Variants in FRYL observed in about 807,000 individuals in gnomAD.
The protein encoded by FRYL is protein furry homolog-like.
FRYL carries 150 observed loss-of-function variants against 351.2 expected under a neutral mutation model. The observed-to-expected ratio is 0.43, with a 90% confidence interval of 0.37 to 0.49. The LOEUF (loss-of-function observed/expected upper bound fraction) is 0.49, where lower values mean the gene tolerates loss of function less well. FRYL is among the 20% of genes least tolerant of loss of function. The probability of loss-of-function intolerance (pLI) is 0.00; values close to 1 mark genes in which losing one functional copy is unlikely to be tolerated. For synonymous variants in FRYL, 1,153 were observed against 1,257.1 expected (o/e 0.92, Z 1.75); for missense variants, 3,036 against 3,619.3 (o/e 0.84, Z 4.13).
intron 3 of FRYL, among the ~76,000 whole-genome samples, chr4:48,640,942 A>T (rs1159895002): frequency 6.6e-6 from 1 of 152,210 alleles, no homozygotes; most frequent in Admixed American, 6.6e-5. Context: ...GATCACACTC[A>T]AAGACAGGAA....
intron 47 of FRYL, among the ~76,000 whole-genome samples, chr4:48,536,736 T>C (rs192705050): frequency 9.2e-5 from 14 of 152,330 alleles, no homozygotes; most frequent in Admixed American, 2.0e-4. Flanking sequence ...TTCTATCTTA[T>C]GGATGTTTTG....
At chr4:48,703,143 G>GT (rs1393772218) in intron 2 of FRYL, among the ~76,000 whole-genome samples, 3 of 152,116 alleles carry the variant, frequency 2.0e-5, no homozygotes, top group Non-Finnish European at 2.9e-5. Flanking sequence ...TAGAACCACC[G>GT]TAAGTTTTTG....
chr4:48,527,648 TACA>T lies in FRYL; in HGVS notation c.7143_7145del (p.Val2382del). The T allele has an allele frequency of 6.4e-7, 1 of 1,571,394 alleles. No individual in the cohort carries two copies. The highest frequency in any genetic ancestry group is 1.8e-4 in the Middle Eastern group (1 of 5,494). On this transcript the variant is annotated inframe_deletion and splice_region_variant, in exon 53 of 64. Transcript: ENST00000358350. ...CTTCCAAATCCTCATTAGAAGAAAA[TACA>T]ACCTGATGCCCGATTAAAAAAAAAA...
chr4:48,646,410 T>A (rs772890770), intron 3 of FRYL, among the ~76,000 whole-genome samples: 124 of 152,186 alleles, frequency 8.1e-4, no homozygotes, highest in Non-Finnish European at 1.4e-3. Context: ...AGCAAAATTT[T>A]AAAAATTGGA....
At chr4:48,499,730 G>T in intron 63 of FRYL, 50 bp from the exon 64 acceptor site, 1 of 1,547,476 alleles carries the variant, frequency 6.5e-7, no homozygotes, top group Non-Finnish European at 8.8e-7. Flanking sequence ...CAATAGTTAA[G>T]ACTAACTCAA....
At chr4:48,651,291 G>C (rs376143553) in intron 3 of FRYL, among the ~76,000 whole-genome samples, 119 of 9,892 alleles carry the variant, frequency 0.012, 1 homozygote, top group African/African-American at 0.022. Flanking sequence ...GGATCTCACT[G>C]TGTGTGTGTG....
intron 2 of FRYL, among the ~76,000 whole-genome samples, chr4:48,686,743 G>T (rs1240703778): frequency 6.6e-6 from 1 of 152,194 alleles, no homozygotes; most frequent in East Asian, 1.9e-4. Context: ...GCAGTCTTGC[G>T]CTCAGACATA....
At chr4:48,625,122 T>C (rs986694339) in intron 4 of FRYL, among the ~76,000 whole-genome samples, 38 of 152,300 alleles carry the variant, frequency 2.5e-4, no homozygotes, top group African/African-American at 8.9e-4. Flanking sequence ...TGAAATCATA[T>C]GAGCCAATTC....
chr4:48,581,483 C>A lies in FRYL; in HGVS notation c.2109G>T (p.Arg703Ser). ...VILCSSRPAT[R>S]RLAVSVLREI... ...CTCTAAGGACACTGACGGCTAGTCT[C>A]CTAGTGGCAGGTCGACTGCTACAGA... is the stretch of plus-strand genomic sequence containing the variant. The change falls in exon 21 of 64, where the codon AGG becomes AGT. Residue 703 changes from arginine (R) to serine (S), a missense_variant. Around this residue, in one of 7 missense-constraint regions of FRYL, gnomAD observed 492 missense variants for 551.5 expected, o/e 0.89. Transcript: ENST00000358350. 1 of 1,613,984 alleles carries A rather than the reference C, an allele frequency of 6.2e-7. No homozygotes were observed. The highest frequency in any genetic ancestry group is 8.5e-7 in the Non-Finnish European group (1 of 1,179,970).
At chr4:48,502,797 A>G in intron 61 of FRYL, 31 bp downstream of exon 61, 1 of 1,583,294 alleles carries the variant, frequency 6.3e-7, no homozygotes, top group Non-Finnish European at 8.7e-7. Flanking sequence ...GGCAAGGGTG[A>G]GTAGTCTATA....
At chr4:48,733,074 G>A (rs574949249) in intron 1 of FRYL, among the ~76,000 whole-genome samples, 46 of 151,838 alleles carry the variant, frequency 3.0e-4, no homozygotes, top group African/African-American at 1.0e-3. Flanking sequence ...TCAGGAGTTC[G>A]AGACCACCTG....
At chr4:48,744,030 T>C (rs576022384) in intron 1 of FRYL, among the ~76,000 whole-genome samples, 7 of 152,348 alleles carry the variant, frequency 4.6e-5, no homozygotes, top group African/African-American at 1.4e-4. Context: ...TGCAGAACCC[T>C]AACACAACCT....
At chr4:48,556,586 T>C (rs954381315) in intron 35 of FRYL, among the ~76,000 whole-genome samples, 3 of 152,206 alleles carry the variant, frequency 2.0e-5, no homozygotes. Context: ...AATATCACTT[T>C]CTCTCAAGTG....
chr4:48,502,706 AC>A, intron 61 of FRYL, 121 bp downstream of exon 61: 6 of 667,158 alleles, frequency 9.0e-6, no homozygotes, highest in Non-Finnish European at 1.3e-5. Flanking sequence ...AAACTGAAGC[AC>A]ATACTACTTG....
chr4:48,630,112 G>C (rs570484891), intron 4 of FRYL, among the ~76,000 whole-genome samples: 165 of 152,172 alleles, frequency 1.1e-3, no homozygotes, highest in Non-Finnish European at 2.2e-3. Flanking sequence ...CCCATTCAGA[G>C]TACTGTAGGA....
At chr4:48,656,686 T>TA (rs1759266981) in intron 3 of FRYL, among the ~76,000 whole-genome samples, 1 of 113,586 alleles carries the variant, frequency 8.8e-6, no homozygotes, top group Non-Finnish European at 1.8e-5. Context: ...ATATGACTGA[T>TA]ACATATATAT....
chr4:48,724,899 A>G (rs1769914335), intron 1 of FRYL, among the ~76,000 whole-genome samples: 1 of 152,196 alleles, frequency 6.6e-6, no homozygotes, highest in Non-Finnish European at 1.5e-5. Context: ...GATGGAACCT[A>G]ATGTCTCCAA....
chr4:48,725,423 A>C (rs1431532971), intron 1 of FRYL, among the ~76,000 whole-genome samples: 1 of 152,278 alleles, frequency 6.6e-6, no homozygotes, highest in African/African-American at 2.4e-5. Flanking sequence ...AACACTAAAT[A>C]AAGTGTACAA....
chr4:48,576,098 A>C lies in FRYL; in HGVS notation c.2653T>G (p.Ser885Ala), dbSNP rs927340597. The change falls in exon 24 of 64, where the codon TCT (serine) becomes GCT (alanine). Residue 885 changes from serine to alanine, a missense_variant. Transcript: ENST00000358350. ...GTCTCAGGAGGAGAACATCTCACAG[A>C]ACCTGCAGATGTGGAAGATGACGAT... ...ATSSSSTSAGSVRCSPPETLA... is the reference protein window; with the variant it reads ...ATSSSSTSAGAVRCSPPETLA... The C allele has an allele frequency of 1.2e-6, 2 of 1,613,788 alleles. No individual in the cohort carries two copies. The highest frequency in any genetic ancestry group is 2.7e-5 in the African/African-American group (2 of 74,926).
Sources: allele counts gnomAD v4.1 joint callset (sites outside exome capture counted in the v4.1 genomes callset), GRCh38; gene constraint gnomAD v4.1.1; regional missense constraint gnomAD v4.1.1; transcripts MANE v1.5; gene names NCBI Gene and HGNC (gene_info 2026-07-23, HGNC 2026-07-21).